Variants in CATSPERB observed in about 807,000 individuals in gnomAD.
CATSPERB encodes the protein cation channel sperm-associated auxiliary subunit beta.
CATSPERB carries 93 observed loss-of-function variants against 128.3 expected under a neutral mutation model. The observed-to-expected ratio is 0.72, with a 90% confidence interval of 0.61 to 0.86. The LOEUF (loss-of-function observed/expected upper bound fraction) is 0.86. Ranked by LOEUF, CATSPERB falls within the 40% of genes least tolerant of loss-of-function variation. The probability of loss-of-function intolerance (pLI) is 0.00; values close to 1 mark genes in which losing one functional copy is unlikely to be tolerated. For missense variants in CATSPERB, 1,153 were observed against 1,329.5 expected (o/e 0.87, Z 2.06); for synonymous variants, 381 against 448.8 (o/e 0.85, Z 1.91).
intron 17 of CATSPERB, among the ~76,000 whole-genome samples, chr14:91,633,221 C>T (rs1346977256): frequency 6.6e-6 from 1 of 152,064 alleles, no homozygotes; most frequent in Non-Finnish European, 1.5e-5. Context: ...GTTAATCTGT[C>T]TTATGTCAGT....
chr14:91,605,155 A>G, intron 22 of CATSPERB: 2 of 1,370,188 alleles, frequency 1.5e-6, no homozygotes, highest in Non-Finnish European at 2.1e-6. Context: ...CCACGGAGGA[A>G]GGAAGAGGAG....
chr14:91,663,429 A>G (rs181093759), intron 14 of CATSPERB, among the ~76,000 whole-genome samples: 136 of 152,210 alleles, frequency 8.9e-4, no homozygotes, highest in African/African-American at 3.2e-3. Context: ...GCGGATCACG[A>G]GGTCAGGAGA....
At chr14:91,656,967 T>C (rs1228715116) in intron 15 of CATSPERB, among the ~76,000 whole-genome samples, 2 of 152,038 alleles carry the variant, frequency 1.3e-5, no homozygotes, top group Admixed American at 6.6e-5. Flanking sequence ...GATATAAAAA[T>C]TATAACTATA....
intron 2 of CATSPERB, among the ~76,000 whole-genome samples, chr14:91,726,171 T>C (rs10134516): frequency 0.98 from 149,521 of 152,288 alleles, 73,460 homozygotes; most frequent in Middle Eastern, 1. Flanking sequence ...TCCTGGATGC[T>C]GGACAAGGAC....
intron 3 of CATSPERB, among the ~76,000 whole-genome samples, chr14:91,723,971 G>C (rs1377885772): frequency 6.6e-6 from 1 of 152,150 alleles, no homozygotes. Flanking sequence ...GAGGTTGAGA[G>C]TGCAGGAGTT....
Position 91,691,573 on chromosome 14 carries a change from A to C in CATSPERB, c.832-18T>G. 6.3e-7 allele frequency: 1 copy of C among 1,595,412 alleles called. No individual in the cohort carries two copies. The highest frequency in any genetic ancestry group is 1.1e-5 in the South Asian group (1 of 87,540). On this transcript the variant is annotated intron_variant, in intron 9 of 26. Transcript: ENST00000256343. ...CTGGAAAACTAGAAGAAAAGAAGAA[A>C]CTTTAATTTTTGCTTGCATATCAGA... is the stretch of plus-strand genomic sequence containing the variant.
intron 26 of CATSPERB, 74 bp from the exon 27 acceptor site, chr14:91,581,181 C>T: frequency 8.2e-7 from 1 of 1,217,344 alleles, no homozygotes; most frequent in Non-Finnish European, 1.2e-6. Context: ...TAATGTTCCC[C>T]ACAATTAATC....
intron 4 of CATSPERB, among the ~76,000 whole-genome samples, chr14:91,722,186 G>C (rs912514591): frequency 6.6e-6 from 1 of 152,132 alleles, no homozygotes; most frequent in Non-Finnish European, 1.5e-5. Flanking sequence ...TCCATCCCTG[G>C]CCATGTAGCT....
At chr14:91,587,368 A>G in intron 25 of CATSPERB, 92 bp from the exon 26 acceptor site, 2 of 781,830 alleles carry the variant, frequency 2.6e-6, no homozygotes, top group Non-Finnish European at 3.9e-6. Flanking sequence ...CACTGTCCCT[A>G]TAGATGCTGC....
chr14:91,669,980 A>G lies in CATSPERB; in HGVS notation c.1129-8T>C. ...AATGGCAGTTTTCCTGACCTAGGTA[A>G]ACAAAGAATGAGCAAGTCATAAGAC... On this transcript the variant is annotated splice_region_variant and splice_polypyrimidine_tract_variant and intron_variant, in intron 13 of 26. Coordinates refer to ENST00000256343, the MANE Select transcript of CATSPERB (RefSeq NM_024764.4). 6.2e-7 allele frequency: 1 copy of G among 1,608,986 alleles called. No homozygotes were observed. The highest frequency in any genetic ancestry group is 8.5e-7 in the Non-Finnish European group (1 of 1,178,386).
Position 91,704,675 on chromosome 14 carries a change from C to T in CATSPERB, c.493G>A (p.Asp165Asn). ...CTGATTTCACTTTCTGGAATCACATCCCCAGGAGTCCACTGAAGAATCGGT... is the reference window on the plus strand; with the variant it reads ...CTGATTTCACTTTCTGGAATCACATTCCCAGGAGTCCACTGAAGAATCGGT... ...REPILQWTPG[D>N]VIPESEISKL... The change falls in exon 7 of 27, where the codon GAT becomes AAT. Residue 165 changes from aspartate (D) to asparagine (N), a missense_variant. Asp to Asn is a conservative substitution (Grantham distance 23). Transcript: ENST00000256343. The T allele has an allele frequency of 1.2e-6, 2 of 1,613,608 alleles. No homozygotes were observed. Among genetic ancestry groups the T allele is most frequent in the Non-Finnish European group, 1.7e-6 (2 of 1,179,748 alleles).
intron 11 of CATSPERB, among the ~76,000 whole-genome samples, chr14:91,683,037 C>T (rs987152516): frequency 2.6e-5 from 4 of 152,130 alleles, no homozygotes; most frequent in Non-Finnish European, 5.9e-5. Context: ...CTCCCAATAA[C>T]GGATTGGTTT....
At chr14:91,640,434 C>G (rs1172037398) in intron 15 of CATSPERB, among the ~76,000 whole-genome samples, 12 of 106,560 alleles carry the variant, frequency 1.1e-4, no homozygotes, top group Non-Finnish European at 2.2e-4. Context: ...GTGATATTCC[C>G]CTTCCTGTGT....
chr14:91,659,268 C>T (rs1477234784), intron 15 of CATSPERB, among the ~76,000 whole-genome samples: 1 of 152,152 alleles, frequency 6.6e-6, no homozygotes, highest in Non-Finnish European at 1.5e-5. Context: ...CAAAATAGTA[C>T]TTTGTACCCC....
chr14:91,591,753 G>C, intron 23 of CATSPERB, 139 bp downstream of exon 23: 1 of 638,712 alleles, frequency 1.6e-6, no homozygotes, highest in Non-Finnish European at 2.8e-6. Flanking sequence ...GATCTTTCTA[G>C]CTCGGTGTCA....
At chr14:91,683,972 C>G (rs1482094259) in intron 10 of CATSPERB, 29 bp from the exon 11 acceptor site, 1 of 1,438,916 alleles carries the variant, frequency 6.9e-7, no homozygotes. Context: ...TATCACTTAG[C>G]CAATATGTAG....
intron 15 of CATSPERB, among the ~76,000 whole-genome samples, chr14:91,653,411 T>C (rs965870): frequency 0.15 from 23,403 of 152,150 alleles, 1,977 homozygotes; most frequent in Non-Finnish European, 0.18. Flanking sequence ...GGCTCTCGGT[T>C]ATACCCTTCT....
chr14:91,666,345 G>A (rs1894983445), intron 14 of CATSPERB, among the ~76,000 whole-genome samples: 1 of 152,138 alleles, frequency 6.6e-6, no homozygotes. Flanking sequence ...AGATAGCCAG[G>A]CCCCTCTATA....
chr14:91,662,447 A>G (rs907547496), intron 14 of CATSPERB, among the ~76,000 whole-genome samples: 6 of 152,162 alleles, frequency 3.9e-5, no homozygotes, highest in African/African-American at 1.4e-4. Context: ...TTACTTATTC[A>G]TTTTCCTATT....
Sources: gnomAD v4.1 joint callset for allele counts (sites outside exome capture counted in the v4.1 genomes callset) on GRCh38, gnomAD v4.1.1 for gene constraint, MANE v1.5 for transcripts, NCBI Gene and HGNC (gene_info 2026-07-23, HGNC 2026-07-21) for gene names.